INPP5A: variants seen among roughly 807,000 people sequenced by gnomAD.
INPP5A encodes the protein inositol polyphosphate-5-phosphatase A.
A neutral mutation model predicts 65.2 loss-of-function variants in INPP5A; 14 were observed. The observed-to-expected ratio is 0.21, with a 90% confidence interval of 0.14 to 0.34. The LOEUF is 0.34. INPP5A is among the 10% of genes least tolerant of loss of function. INPP5A has a pLI of 1.00. For missense variants in INPP5A, 431 were observed against 545.6 expected (o/e 0.79, Z 2.09); for synonymous variants, 207 against 208.3 (o/e 0.99, Z 0.05).
At chr10:132,779,888 GTGTGCCGCACGCTGCC>G (rs1288888926) in intron 13 of INPP5A, among the ~76,000 whole-genome samples, 1 of 152,218 alleles carries the variant, frequency 6.6e-6, no homozygotes, top group Non-Finnish European at 1.5e-5. Flanking sequence ...GTTCAGTGAG[GTGTGCCGCACGCTGCC>G]TGTGCCCGCC....
chr10:132,740,943 G>A (rs370599557), intron 9 of INPP5A, among the ~76,000 whole-genome samples: 189 of 152,306 alleles, frequency 1.2e-3, no homozygotes, highest in African/African-American at 4.2e-3. Flanking sequence ...CAAAGAAAGG[G>A]GAAGGCCAGG....
In INPP5A at chr10:132,690,428, A is replaced by G. The variant is rs1283802896; in HGVS notation, c.343A>G (p.Lys115Glu). The G allele has an allele frequency of 6.2e-7, 1 of 1,613,104 alleles. No homozygotes were observed. Among genetic ancestry groups the G allele is most frequent in the Non-Finnish European group, 8.5e-7 (1 of 1,179,348 alleles). The change falls in exon 5 of 16, where the codon AAA (lysine) becomes GAA (glutamate). Residue 115 changes from lysine (K) to glutamate (E), a missense_variant. Transcript: ENST00000368594. The part of the protein sequence containing the change: ...GSFYFLHESL[K>E]NIYQFDFKAK... Reference sequence around the variant, plus strand: ...CTTTTATTTTCTTCATGAGTCCTTAAAAAACATCTACCAGTTTGACTTTAA... The same window carrying G: ...CTTTTATTTTCTTCATGAGTCCTTAGAAAACATCTACCAGTTTGACTTTAA...
Position 132,704,368 on chromosome 10 carries a change from CTG to C in INPP5A, c.475-3942_475-3941del, listed in dbSNP as rs1404726399. On this transcript the variant is annotated intron_variant, in intron 6 of 15. Transcript: ENST00000368594. The surrounding 1 kb of genome is among the most constrained non-coding windows in gnomAD (Gnocchi z 4.5). ...GAGAACCCAGCCTTGGGCCCAGTGA[CTG>C]TGGCCTAAAGCCACCAAGGGACCAT... 1.3e-5 allele frequency among the ~76,000 whole-genome samples: 2 copies of C among 152,260 alleles called. No homozygotes were observed. The highest frequency in any genetic ancestry group is 2.9e-5 in the Non-Finnish European group (2 of 68,052).
chr10:132,759,520 G>A (rs1431067116), intron 11 of INPP5A, among the ~76,000 whole-genome samples: 6 of 152,184 alleles, frequency 3.9e-5, no homozygotes, highest in Non-Finnish European at 2.9e-5. Flanking sequence ...CTGGGGCTTC[G>A]CTCGCTGCTG....
chr10:132,669,212 C>A (rs1382151929), intron 4 of INPP5A, among the ~76,000 whole-genome samples: 1 of 152,106 alleles, frequency 6.6e-6, no homozygotes, highest in Non-Finnish European at 1.5e-5. Context: ...GACATCGTGC[C>A]ACCGCACTCC....
chr10:132,696,273 A>G (rs984846212), intron 5 of INPP5A, among the ~76,000 whole-genome samples: 1 of 152,234 alleles, frequency 6.6e-6, no homozygotes, highest in Non-Finnish European at 1.5e-5. Context: ...CTTCAGCTAT[A>G]GATTCAACAC....
At chr10:132,764,668 G>T (rs1242155535) in intron 11 of INPP5A, among the ~76,000 whole-genome samples, 7 of 133,500 alleles carry the variant, frequency 5.2e-5, no homozygotes, top group Admixed American at 4.7e-4. Flanking sequence ...TGTGCGTGGT[G>T]ACACTCAGAA....
At chr10:132,749,651 C>T (rs376682292) in intron 10 of INPP5A, 39 bp downstream of exon 10, 5 of 1,602,426 alleles carry the variant, frequency 3.1e-6, no homozygotes, top group Non-Finnish European at 4.3e-6. Flanking sequence ...ACGCACGGGG[C>T]CTGCGCAGGA....
At chr10:132,647,548 T>G (rs2072513950) in intron 3 of INPP5A, among the ~76,000 whole-genome samples, 1 of 152,196 alleles carries the variant, frequency 6.6e-6, no homozygotes, top group African/African-American at 2.4e-5. Context: ...ACAAAGTGGG[T>G]TCTCACCCAG....
At position 132,765,800 on chromosome 10, in the gene INPP5A, G is replaced by T; in HGVS notation, c.931G>T (p.Val311Phe). 1 of 1,605,992 alleles carries T rather than the reference G, an allele frequency of 6.2e-7. No individual in the cohort carries two copies. Among genetic ancestry groups the T allele is most frequent in the Non-Finnish European group, 8.5e-7 (1 of 1,172,544 alleles). ...ALLEFDKELS[V>F]FKDRLYELDI... ...CTTGGAGTTTGACAAGGAGTTGTCTGTCTTTAAGGACAGACTGTATGAACT... is the reference window on the plus strand; with the variant it reads ...CTTGGAGTTTGACAAGGAGTTGTCTTTCTTTAAGGACAGACTGTATGAACT... Residue 311 changes from valine to phenylalanine, a missense_variant, in exon 12 of 16, where the codon GTC becomes TTC. Physicochemically the swap from Val to Phe is conservative, Grantham distance 50 (BLOSUM62 -1). Transcript: ENST00000368594.
intron 14 of INPP5A, 147 bp from the exon 15 acceptor site, chr10:132,781,714 C>A: frequency 1.4e-6 from 1 of 693,440 alleles, no homozygotes; most frequent in Non-Finnish European, 2.6e-6. Flanking sequence ...AAGGGCCGAG[C>A]TGCCTCTGCT....
intron 1 of INPP5A, among the ~76,000 whole-genome samples, chr10:132,571,881 C>G (rs150386594): frequency 3.7e-4 from 57 of 152,340 alleles, no homozygotes; most frequent in African/African-American, 1.3e-3. Flanking sequence ...CTGGGGCTGG[C>G]TCTGGCATCT....
At position 132,753,318 on chromosome 10, in the gene INPP5A, G is replaced by GGA. The variant is rs1485316990; in HGVS notation, c.903+3477_903+3478dup. 1.3e-5 allele frequency among the ~76,000 whole-genome samples: 2 copies of GGA among 152,180 alleles called. No individual in the cohort carries two copies. Among genetic ancestry groups the GGA allele is most frequent in the Non-Finnish European group, 2.9e-5 (2 of 68,040 alleles). On this transcript the variant is annotated intron_variant, in intron 11 of 15. Coordinates refer to ENST00000368594, the MANE Select transcript of INPP5A (RefSeq NM_005539.5). The surrounding 1 kb of genome is among the most constrained non-coding windows in gnomAD (Gnocchi z 5.3). ...GTTAAACACACAGCACCGCAGCCAT[G>GGA]GAGAGCAAACTCTCCGTCCGCAGGA...
chr10:132,607,989 C>A, intron 2 of INPP5A, 33 bp downstream of exon 2: 1 of 1,602,058 alleles, frequency 6.2e-7, no homozygotes, highest in Non-Finnish European at 8.5e-7. Context: ...CTTTTGGATT[C>A]ATTACTTAGC....
At position 132,616,922 on chromosome 10, in the gene INPP5A, C is replaced by T. The variant is rs891666566; in HGVS notation, c.117+8966C>T. Among the ~76,000 whole-genome samples the T allele has an allele frequency of 3.9e-5, 6 of 152,050 alleles. No homozygotes were observed. Among genetic ancestry groups the T allele is most frequent in the African/African-American group, 1.5e-4 (6 of 41,368 alleles). ...GGGGTTGTGGAGCCATCGTGCTGGC[C>T]AGTTGCTTTGCTGCGCTGGTGGGGA... is the stretch of plus-strand genomic sequence containing the variant. On this transcript the variant is annotated intron_variant, in intron 2 of 15. Coordinates refer to ENST00000368594, the MANE Select transcript of INPP5A (RefSeq NM_005539.5). The surrounding 1 kb of genome is among the most constrained non-coding windows in gnomAD (Gnocchi z 4.9).
intron 1 of INPP5A, among the ~76,000 whole-genome samples, chr10:132,568,663 A>T (rs34892232): frequency 1.3e-4 from 20 of 152,026 alleles, no homozygotes; most frequent in Admixed American, 2.0e-4. Flanking sequence ...AGACTGAGGG[A>T]GGAGAATGGC....
chr10:132,543,000 G>C (rs144896963), intron 1 of INPP5A, among the ~76,000 whole-genome samples: 1 of 151,970 alleles, frequency 6.6e-6, no homozygotes, highest in Non-Finnish European at 1.5e-5. Context: ...GTAGAGATGG[G>C]GTCTTGCTGT....
At chr10:132,735,385 C>T (rs560305153) in intron 9 of INPP5A, among the ~76,000 whole-genome samples, 17 of 152,350 alleles carry the variant, frequency 1.1e-4, no homozygotes, top group Admixed American at 7.8e-4. Flanking sequence ...ATCAGGAAGC[C>T]GTGTTTATCA....
rs528844227 is a variant in INPP5A at position 132,707,375 on chromosome 10, C to G, written c.475-938C>G. ...AGCGCTTTGCTTTGTGGACCTTGGA[C>G]TTGACTCTGTCAGCCTCTTCCCAGT... On this transcript the variant is annotated intron_variant, in intron 6 of 15. Coordinates refer to ENST00000368594, the MANE Select transcript of INPP5A (RefSeq NM_005539.5). This position sits in a 1 kb window ranked among gnomAD's most constrained non-coding sequence, Gnocchi z 5.5. Among the ~76,000 whole-genome samples the G allele has an allele frequency of 7.0e-4, 106 of 152,360 alleles. No individual in the cohort carries two copies. Among genetic ancestry groups the G allele is most frequent in the African/African-American group, 2.5e-3 (104 of 41,594 alleles).
Sources: allele counts gnomAD v4.1 joint callset (sites outside exome capture counted in the v4.1 genomes callset), GRCh38; gene constraint gnomAD v4.1.1; non-coding constraint Gnocchi (gnomAD v3.1); transcripts MANE v1.5; gene names NCBI Gene and HGNC (gene_info 2026-07-23, HGNC 2026-07-21).